The following TRPC1 variants were observed in gnomAD, a reference collection of about 807,000 sequenced individuals.
The protein encoded by TRPC1 is short transient receptor potential channel 1.
TRPC1 carries 42 observed loss-of-function variants against 88.2 expected under a neutral mutation model. The ratio of observed to expected loss-of-function variants is 0.48; its 90% CI spans 0.37 to 0.62. The LOEUF is 0.62. TRPC1 is among the 20% of genes least tolerant of loss of function. TRPC1 has a pLI of 0.00. For synonymous variants in TRPC1, 288 were observed against 331.8 expected, an observed-to-expected ratio of 0.87 and a Z score of 1.43; for missense variants, 699 against 957.3, an observed-to-expected ratio of 0.73 and a Z score of 3.56.
chr3:142,803,848 T>G, intron 10 of TRPC1, 129 bp from the exon 11 acceptor site: 1 of 927,364 alleles, frequency 1.1e-6, no homozygotes. Context: ...GAAGTCAACA[T>G]CATTTTTAAA....
chr3:142,804,407 G>A (rs113117655), intron 11 of TRPC1, 29 bp from the exon 12 acceptor site: 2 of 1,573,366 alleles, frequency 1.3e-6, no homozygotes, highest in Non-Finnish European at 1.7e-6. Context: ...TAATATTCTA[G>A]TTTGCTTTTT....
Position 142,791,264 on chromosome 3 carries a change from TG to T in TRPC1, c.1437+108del, listed in dbSNP as rs1490658939. The T allele has an allele frequency of 6.0e-6, 6 of 996,064 alleles. No homozygotes were observed. In the African/African-American group the frequency reaches 1.0e-4, roughly 17 times the overall value. The allele number at this position is 996,064 out of a possible 1,614,324, so 61.7% of individuals were successfully genotyped here. A position where few individuals can be genotyped will look rare whatever the true frequency, so the allele number is the denominator to read the frequency against. On this transcript the variant is annotated intron_variant, in intron 8 of 12. Transcript: ENST00000476941. ...AGTTACATTGAGCCAGATCAGTGTC[TG>T]GTGTGTTTTCATTTTAAGCCTATCT...
At chr3:142,763,995 CATACAT>C (rs1349871285) in intron 4 of TRPC1, among the ~76,000 whole-genome samples, 7 of 32,408 alleles carry the variant, frequency 2.2e-4, no homozygotes, top group African/African-American at 1.1e-3. Context: ...CACATACATA[CATACAT>C]ATATATATAT....
chr3:142,763,113 T>C (rs1577973508), intron 4 of TRPC1, among the ~76,000 whole-genome samples: 1 of 152,164 alleles, frequency 6.6e-6, no homozygotes, highest in Non-Finnish European at 1.5e-5. Flanking sequence ...AAATGTTTCA[T>C]GTGCTGGTGA....
intron 4 of TRPC1, among the ~76,000 whole-genome samples, chr3:142,750,668 A>C (rs1934727811): frequency 6.6e-6 from 1 of 152,222 alleles, no homozygotes; most frequent in Non-Finnish European, 1.5e-5. Flanking sequence ...ACCAACCCAA[A>C]TGCCCACCAA....
intron 1 of TRPC1, among the ~76,000 whole-genome samples, chr3:142,727,803 A>G (rs977636932): frequency 6.6e-6 from 1 of 152,194 alleles, no homozygotes. Context: ...TTTATGAAAA[A>G]TTAAGTAGTG....
intron 4 of TRPC1, among the ~76,000 whole-genome samples, chr3:142,758,924 T>C (rs975461893): frequency 1.3e-5 from 2 of 148,934 alleles, no homozygotes; most frequent in Non-Finnish European, 3.0e-5. Context: ...GAACATGCAG[T>C]GTTTGGTTTT....
chr3:142,784,244 T>C (rs1936058566), intron 6 of TRPC1, among the ~76,000 whole-genome samples: 1 of 152,106 alleles, frequency 6.6e-6, no homozygotes, highest in African/African-American at 2.4e-5. Context: ...ATGATAACTT[T>C]GAAATTTCAT....
At chr3:142,740,982 A>G (rs531816850) in intron 2 of TRPC1, among the ~76,000 whole-genome samples, 73 of 152,238 alleles carry the variant, frequency 4.8e-4, no homozygotes, top group African/African-American at 1.7e-3. Context: ...TGGAAAATGT[A>G]GCTTTGGAAA....
chr3:142,747,626 T>C (rs1934604984), intron 3 of TRPC1, among the ~76,000 whole-genome samples: 2 of 152,104 alleles, frequency 1.3e-5, no homozygotes, highest in Non-Finnish European at 2.9e-5. Context: ...GGCAATTAAA[T>C]GAGATGATAA....
chr3:142,793,555 A>G (rs951200037), intron 9 of TRPC1, among the ~76,000 whole-genome samples: 1 of 151,984 alleles, frequency 6.6e-6, no homozygotes, highest in Non-Finnish European at 1.5e-5. Flanking sequence ...GATTTGTCCA[A>G]AGTAGTATGA....
chr3:142,784,191 A>C (rs1363005184), intron 6 of TRPC1, among the ~76,000 whole-genome samples: 1 of 152,116 alleles, frequency 6.6e-6, no homozygotes, highest in Non-Finnish European at 1.5e-5. Context: ...TAGACTGAAG[A>C]TGTCCAACAT....
chr3:142,792,710 C>T lies in TRPC1; in HGVS notation c.1438-114C>T. On this transcript the variant is annotated intron_variant, in intron 8 of 12. Coordinates refer to ENST00000476941, the MANE Select transcript of TRPC1 (RefSeq NM_001251845.2). This position sits in a 1 kb window ranked among gnomAD's most constrained non-coding sequence, Gnocchi z 4.0. The stretch of plus-strand genomic sequence containing the variant: ...AACCCTATAAAACATAAGTGGAGAT[C>T]CCCTATAAGAAGACAAAATTAAAAT... 1.1e-6 allele frequency: 1 copy of T among 908,558 alleles called. No individual in the cohort carries two copies. Among genetic ancestry groups the T allele is most frequent in the Non-Finnish European group, 1.5e-6 (1 of 657,266 alleles). 56.3% of individuals were successfully genotyped at this position (908,558 alleles called of 1,614,324 possible).
intron 9 of TRPC1, among the ~76,000 whole-genome samples, chr3:142,797,273 G>T (rs1420106688): frequency 6.6e-6 from 1 of 151,256 alleles, no homozygotes; most frequent in Non-Finnish European, 1.5e-5. Flanking sequence ...ACTTCATTTA[G>T]GATAGGAGGT....
intron 1 of TRPC1, among the ~76,000 whole-genome samples, chr3:142,731,205 A>G (rs375361837): frequency 6.6e-6 from 1 of 152,006 alleles, no homozygotes; most frequent in East Asian, 1.9e-4. Flanking sequence ...TTTGGAAAAC[A>G]TTGGTTTGGA....
chr3:142,738,202 A>G (rs1934213086), intron 2 of TRPC1, among the ~76,000 whole-genome samples: 1 of 152,202 alleles, frequency 6.6e-6, no homozygotes, highest in Non-Finnish European at 1.5e-5. Context: ...AGTAAGGACA[A>G]GACAAAGATT....
chr3:142,792,164 A>T lies in TRPC1; in HGVS notation c.1438-660A>T, dbSNP rs1936312496. ...TACTAAGAAAATGAAAATTGGTCAT[A>T]TATAGATAAATGGTTTGATAAAGGG... On this transcript the variant is annotated intron_variant, in intron 8 of 12. Coordinates refer to ENST00000476941, the MANE Select transcript of TRPC1 (RefSeq NM_001251845.2). The surrounding 1 kb of genome is among the most constrained non-coding windows in gnomAD (Gnocchi z 4.0). Among the ~76,000 whole-genome samples the T allele has an allele frequency of 6.6e-6, 1 of 152,086 alleles. No homozygotes were observed. Among genetic ancestry groups the T allele is most frequent in the African/African-American group, 2.4e-5 (1 of 41,444 alleles).
intron 4 of TRPC1, among the ~76,000 whole-genome samples, chr3:142,768,700 A>G (rs1301733240): frequency 6.6e-6 from 1 of 152,062 alleles, no homozygotes. Context: ...GTGTTAAAAA[A>G]GTATACCTTT....
At chr3:142,768,626 T>G (rs1935476369) in intron 4 of TRPC1, among the ~76,000 whole-genome samples, 1 of 152,154 alleles carries the variant, frequency 6.6e-6, no homozygotes, top group Non-Finnish European at 1.5e-5. Context: ...TTTTGCCATT[T>G]GCTTTCTGTA....
Sources: gnomAD v4.1 joint callset for allele counts (sites outside exome capture counted in the v4.1 genomes callset) on GRCh38, gnomAD v4.1.1 for gene constraint, Gnocchi (gnomAD v3.1) non-coding constraint, MANE v1.5 for transcripts, NCBI Gene and HGNC (gene_info 2026-07-23, HGNC 2026-07-21) for gene names.